TNKS2: variants seen among roughly 807,000 people sequenced by gnomAD.
The protein encoded by TNKS2 is poly [ADP-ribose] polymerase tankyrase-2.
A neutral mutation model predicts 137.6 loss-of-function variants in TNKS2; 72 were observed. That is an observed-to-expected ratio of 0.52 (90% CI 0.43 to 0.64). TNKS2 has a LOEUF of 0.64. TNKS2 is among the 30% of genes least tolerant of loss of function. TNKS2 has a pLI of 0.00. For synonymous variants in TNKS2, 516 were observed against 512.1 expected, an observed-to-expected ratio of 1.01 and a Z score of -0.10; for missense variants, 1,049 against 1,410.2, an observed-to-expected ratio of 0.74 and a Z score of 4.10.
At chr10:91,818,452 A>G (rs1436052298) in intron 3 of TNKS2, among the ~76,000 whole-genome samples, 1 of 152,160 alleles carries the variant, frequency 6.6e-6, no homozygotes, top group Non-Finnish European at 1.5e-5. Context: ...CAGTGATGCT[A>G]TAGATTCTTT....
chr10:91,813,122 T>C lies in TNKS2; in HGVS notation c.339T>C (p.His113=), dbSNP rs570890751. ...HAEVVNLLLR[H]GADPNARDNW... ...AAGTAGTCAATCTCCTTTTGCGACA[T>C]GGTGCAGACCCCAATGCTCGAGATA... The change falls in exon 2 of 27, where the codon CAT becomes CAC. Residue 113 remains histidine, a synonymous_variant. Transcript: ENST00000371627. 52 of 1,614,176 alleles carry C rather than the reference T, an allele frequency of 3.2e-5. No individual in the cohort carries two copies. Among genetic ancestry groups the C allele is most frequent in the Middle Eastern group, 1.6e-4 (1 of 6,062 alleles).
intron 1 of TNKS2, 121 bp downstream of exon 1, chr10:91,799,010 A>T: frequency 8.0e-7 from 1 of 1,242,750 alleles, no homozygotes; most frequent in Non-Finnish European, 1.0e-6. Flanking sequence ...GGTCCTGGTG[A>T]TCTCGCTCTC....
intron 8 of TNKS2, 97 bp downstream of exon 8, chr10:91,827,300 A>C: frequency 9.2e-7 from 1 of 1,092,848 alleles, no homozygotes; most frequent in Admixed American, 3.4e-5. Flanking sequence ...TAAATAATAG[A>C]ATATTTTTCT....
chr10:91,798,791 A>G lies in TNKS2; in HGVS notation c.101A>G (p.Asn34Ser), dbSNP rs1016442907. ...AARELFEACR[N>S]GDVERVKRLV... ...CGAGAGCTGTTCGAGGCGTGCCGCA[A>G]CGGGGACGTGGAACGAGTCAAGAGG... is the stretch of plus-strand genomic sequence containing the variant. Residue 34 changes from asparagine to serine, a missense_variant, in exon 1 of 27, where the codon AAC (asparagine) becomes AGC (serine). This residue lies in a region of TNKS2 where 374 missense variants were observed against 460.8 expected (regional missense o/e 0.81). Coordinates refer to ENST00000371627, the MANE Select transcript of TNKS2 (RefSeq NM_025235.4). The G allele has an allele frequency of 1.0e-5, 13 of 1,301,648 alleles. No homozygotes were observed. The highest frequency in any genetic ancestry group is 9.3e-5 in the East Asian group (3 of 32,390). The allele number at this position is 1,301,648 out of a possible 1,614,324, so 80.6% of individuals were successfully genotyped here.
chr10:91,821,608 G>A (rs778926043), intron 6 of TNKS2, among the ~76,000 whole-genome samples: 5 of 152,096 alleles, frequency 3.3e-5, no homozygotes, highest in Non-Finnish European at 5.9e-5. Flanking sequence ...AGATTTTAAA[G>A]TTTCACCGTA....
rs756074839 is a variant in TNKS2, at chr10:91,840,573, G to C, written c.1540G>C (p.Val514Leu). 3.1e-6 allele frequency: 5 copies of C among 1,613,880 alleles called. No homozygotes were observed. Among genetic ancestry groups the C allele is most frequent in the African/African-American group, 2.7e-5 (2 of 74,922 alleles). Residue 514 changes from valine to leucine, a missense_variant, in exon 14 of 27, where the codon GTT becomes CTT. This residue lies in a region of TNKS2 where 328 missense variants were observed against 436.0 expected (regional missense o/e 0.75). Transcript: ENST00000371627. ...DVETVKKLCT[V>L]QSVNCRDIEG... ...TTTTGTCCTTCAGAAACTGTGTACT[G>C]TTCAGAGTGTCAACTGCAGAGACAT...
chr10:91,829,946 T>C (rs1465206229), intron 9 of TNKS2, among the ~76,000 whole-genome samples: 1 of 152,234 alleles, frequency 6.6e-6, no homozygotes, highest in African/African-American at 2.4e-5. Context: ...TCAGACATTA[T>C]TGAACACCTA....
chr10:91,801,532 G>C (rs537209590), intron 1 of TNKS2, among the ~76,000 whole-genome samples: 1 of 151,596 alleles, frequency 6.6e-6, no homozygotes, highest in Non-Finnish European at 1.5e-5. Flanking sequence ...GGAGTGCAGC[G>C]TCACGATCTC....
chr10:91,807,448 A>T, intron 1 of TNKS2: 1 of 1,612,750 alleles, frequency 6.2e-7, no homozygotes, highest in Non-Finnish European at 8.5e-7. Context: ...ATCGTGGCCT[A>T]GAGTGGAAAA....
intron 24 of TNKS2, among the ~76,000 whole-genome samples, chr10:91,858,814 G>C (rs926840206): frequency 1.1e-4 from 16 of 152,266 alleles, no homozygotes; most frequent in African/African-American, 3.4e-4. Flanking sequence ...TTTGAGACCA[G>C]CCTGACCAAT....
At chr10:91,807,036 T>C in intron 1 of TNKS2, 2 of 1,032,490 alleles carry the variant, frequency 1.9e-6, no homozygotes, top group Middle Eastern at 3.2e-4. Flanking sequence ...AAAGTAAACA[T>C]TAAAAAGAAA....
chr10:91,798,864 A>G lies in TNKS2; in HGVS notation c.174A>G (p.Lys58=). ...KVNSRDTAGR[K]STPLHFAAGF... ...ACAGCCGCGACACGGCGGGCAGGAA[A>G]TCCACCCCGCTGCACTTCGCCGCAG... is the stretch of plus-strand genomic sequence containing the variant. The change falls in exon 1 of 27, where the codon AAA becomes AAG. Residue 58 remains lysine (K), a synonymous_variant. Coordinates refer to ENST00000371627, the MANE Select transcript of TNKS2 (RefSeq NM_025235.4). The G allele has an allele frequency of 2.2e-6, 3 of 1,364,232 alleles. No homozygotes were observed. The South Asian group carries it at 5.4e-5, about 25-fold the overall frequency. The allele number at this position is 1,364,232 out of a possible 1,614,324, so 84.5% of individuals were successfully genotyped here.
rs151234794 is a variant in TNKS2, at chr10:91,830,257, G to A, written c.1105-666G>A. ...TTTTGAGATGGAGTCTTGCTCTGTCGCCCACGCTAGAGTGCAGTGGCATGA... is the reference window on the plus strand; with the variant it reads ...TTTTGAGATGGAGTCTTGCTCTGTCACCCACGCTAGAGTGCAGTGGCATGA... On this transcript the variant is annotated intron_variant, in intron 9 of 26. Coordinates refer to ENST00000371627, the MANE Select transcript of TNKS2 (RefSeq NM_025235.4). 6.8e-3 allele frequency among the ~76,000 whole-genome samples: 1,040 copies of A among 152,098 alleles called. 19 individuals are homozygous for A. Among genetic ancestry groups the A allele is most frequent in the African/African-American group, 0.024 (984 of 41,484 alleles).
At chr10:91,847,315 A>C (rs1303122815) in intron 18 of TNKS2, among the ~76,000 whole-genome samples, 1 of 152,176 alleles carries the variant, frequency 6.6e-6, no homozygotes, top group Non-Finnish European at 1.5e-5. Context: ...TTAATGTACC[A>C]ATAAATGTGA....
chr10:91,851,125 A>G, intron 20 of TNKS2, 91 bp from the exon 21 acceptor site: 1 of 1,442,274 alleles, frequency 6.9e-7, no homozygotes, highest in Non-Finnish European at 9.5e-7. Context: ...TCTGGAGTAA[A>G]TGTGTGAATC....
chr10:91,851,889 A>G (rs980535747), intron 21 of TNKS2, among the ~76,000 whole-genome samples: 1 of 152,212 alleles, frequency 6.6e-6, no homozygotes, highest in African/African-American at 2.4e-5. Flanking sequence ...TGCAAATTGC[A>G]TTTATTCAGC....
intron 12 of TNKS2, 40 bp downstream of exon 12, chr10:91,834,064 C>T: frequency 2.1e-6 from 3 of 1,463,272 alleles, no homozygotes; most frequent in Non-Finnish European, 2.7e-6. Context: ...TTTAAATTAA[C>T]CTTTAAAAAT....
At chr10:91,840,161 G>A (rs1191177578) in intron 13 of TNKS2, among the ~76,000 whole-genome samples, 1 of 152,022 alleles carries the variant, frequency 6.6e-6, no homozygotes, top group South Asian at 2.1e-4. Context: ...CCAACATGGT[G>A]AAACCCCGCC....
Position 91,812,884 on chromosome 10 carries a change from T to C in TNKS2, c.200-99T>C, listed in dbSNP as rs1240657628. 4.0e-6 allele frequency: 6 copies of C among 1,493,330 alleles called. No individual in the cohort carries two copies. In the African/African-American group the frequency reaches 5.6e-5, roughly 14 times the overall value. 92.5% of individuals were successfully genotyped at this position (1,493,330 alleles called of 1,614,324 possible). On this transcript the variant is annotated intron_variant, in intron 1 of 26. Transcript: ENST00000371627. Reference sequence around the variant, plus strand: ...AGTTCTTGAATTGTTGAGTCTGTTATTAATTTTCAACCTGAAACATTTTAG... The same window carrying C: ...AGTTCTTGAATTGTTGAGTCTGTTACTAATTTTCAACCTGAAACATTTTAG...
Sources: allele counts gnomAD v4.1 joint callset (sites outside exome capture counted in the v4.1 genomes callset), GRCh38; gene constraint gnomAD v4.1.1; regional missense constraint gnomAD v4.1.1; transcripts MANE v1.5; gene names NCBI Gene and HGNC (gene_info 2026-07-23, HGNC 2026-07-21).